The following DGLUCY variants were observed in gnomAD, a reference collection of about 807,000 sequenced individuals.
DGLUCY encodes D-glutamate cyclase, mitochondrial.
A neutral mutation model predicts 58.5 loss-of-function variants in DGLUCY; 58 were observed. The ratio of observed to expected loss-of-function variants is 0.99; its 90% CI spans 0.80 to 1.23. The LOEUF (loss-of-function observed/expected upper bound fraction) is 1.23. DGLUCY is among the 50% of genes most tolerant of loss of function. The pLI is 0.00. For missense variants in DGLUCY, 779 were observed against 784.7 expected (o/e 0.99, Z 0.09); for synonymous variants, 325 against 314.1 (o/e 1.03, Z -0.37).
intron 1 of DGLUCY, among the ~76,000 whole-genome samples, chr14:91,061,848 G>C (rs144764667): frequency 9.2e-5 from 14 of 152,342 alleles, no homozygotes; most frequent in African/African-American, 2.6e-4. Flanking sequence ...CTGAAAAGAG[G>C]AGAGAGATAG....
At chr14:91,167,642 C>T in intron 4 of DGLUCY, 1 of 705,934 alleles carries the variant, frequency 1.4e-6, no homozygotes, top group South Asian at 1.5e-5. Flanking sequence ...CTGGCTCTGC[C>T]ATCTGTCCAC....
chr14:91,109,277 A>G (rs886465956), upstream of DGLUCY, among the ~76,000 whole-genome samples: 2 of 152,172 alleles, frequency 1.3e-5, no homozygotes, highest in African/African-American at 4.8e-5. Context: ...GGTGGGCTCC[A>G]TTCCAACAGG....
At chr14:91,197,823 C>A (rs1332900823) in intron 10 of DGLUCY, among the ~76,000 whole-genome samples, 1 of 152,146 alleles carries the variant, frequency 6.6e-6, no homozygotes, top group Non-Finnish European at 1.5e-5. Context: ...GCTTCCTGCT[C>A]TTGGCTATGC....
chr14:91,172,696 G>C (rs907717039), intron 5 of DGLUCY, among the ~76,000 whole-genome samples: 4 of 151,504 alleles, frequency 2.6e-5, no homozygotes, highest in Non-Finnish European at 5.9e-5. Flanking sequence ...ACCCAGGCCG[G>C]AGTGCAATGG....
chr14:91,081,611 T>C (rs940822622), intron 1 of DGLUCY, among the ~76,000 whole-genome samples: 2 of 152,176 alleles, frequency 1.3e-5, no homozygotes, highest in Admixed American at 6.5e-5. Context: ...TTGGAAGCTC[T>C]AGGGGAGACT....
At chr14:91,109,333 C>T (rs148043093), upstream of DGLUCY, among the ~76,000 whole-genome samples, 3 of 152,106 alleles carry the variant, frequency 2.0e-5, no homozygotes, top group Admixed American at 2.0e-4. Flanking sequence ...ACTCAAGAGC[C>T]GCTGTGTTCC....
chr14:91,167,291 A>G lies in DGLUCY; in HGVS notation c.170A>G (p.Gln57Arg), dbSNP rs989624112. ...GCTCCAGCTTTTGAAAGATTCTGCC[A>G]GGTCAACACTGGTCCTCTACCCCTG... The part of the protein sequence containing the change: ...SLAPAFERFC[Q>R]VNTGPLPLLG... The change falls in exon 4 of 14, where the codon CAG (glutamine) becomes CGG (arginine). Residue 57 changes from glutamine to arginine, a missense_variant. Gln to Arg is a conservative substitution (Grantham distance 43). Transcript: ENST00000256324. 1 of 1,612,846 alleles carries G rather than the reference A, an allele frequency of 6.2e-7. No homozygotes were observed. Among genetic ancestry groups the G allele is most frequent in the Non-Finnish European group, 8.5e-7 (1 of 1,179,694 alleles).
intron 1 of DGLUCY, among the ~76,000 whole-genome samples, chr14:91,080,313 T>G (rs553671825): frequency 1.4e-4 from 21 of 152,220 alleles, no homozygotes; most frequent in Admixed American, 6.5e-4. Flanking sequence ...CACCTAGAAG[T>G]AGGACTGCCG....
chr14:91,170,317 C>G, intron 5 of DGLUCY, 116 bp downstream of exon 5: 1 of 1,162,146 alleles, frequency 8.6e-7, no homozygotes, highest in Non-Finnish European at 1.2e-6. Context: ...TAAGCTCCAG[C>G]CCCAGCTCAG....
chr14:91,137,680 A>C (rs1283152981), intron 1 of DGLUCY, among the ~76,000 whole-genome samples: 1 of 151,866 alleles, frequency 6.6e-6, no homozygotes, highest in South Asian at 2.1e-4. Context: ...TAGGCGTGAG[A>C]CACCGTACTT....
chr14:91,181,649 CTTTT>C (rs57742598), intron 8 of DGLUCY, among the ~76,000 whole-genome samples: 30,330 of 149,290 alleles, frequency 0.2, 3,439 homozygotes, highest in Non-Finnish European at 0.25. Flanking sequence ...CTCTTTCTTT[CTTTT>C]GTTTTCTTTC....
intron 9 of DGLUCY, among the ~76,000 whole-genome samples, chr14:91,194,716 T>C (rs2050104009): frequency 6.6e-6 from 1 of 152,034 alleles, no homozygotes; most frequent in Admixed American, 6.6e-5. Flanking sequence ...AATTTTTCTA[T>C]TTTTAGTAGA....
At chr14:91,219,971 C>T (rs1458006728) in intron 13 of DGLUCY, among the ~76,000 whole-genome samples, 1 of 152,218 alleles carries the variant, frequency 6.6e-6, no homozygotes, top group Non-Finnish European at 1.5e-5. Flanking sequence ...GAAGCCCCCT[C>T]ATGGCATCTT....
At chr14:91,061,272 T>C (rs1436524627) in intron 1 of DGLUCY, among the ~76,000 whole-genome samples, 2 of 152,214 alleles carry the variant, frequency 1.3e-5, no homozygotes, top group African/African-American at 4.8e-5. Flanking sequence ...TGTTTGTTCT[T>C]AAATAACAGA....
chr14:91,208,767 G>A (rs1885182595), intron 12 of DGLUCY, among the ~76,000 whole-genome samples: 1 of 152,004 alleles, frequency 6.6e-6, no homozygotes, highest in Admixed American at 6.6e-5. Flanking sequence ...TAGAATAAGT[G>A]ACACAAATGA....
intron 1 of DGLUCY, among the ~76,000 whole-genome samples, chr14:91,108,362 ACTAGTTTCACC>A (rs1480160334): frequency 6.6e-6 from 1 of 151,948 alleles, no homozygotes; most frequent in Non-Finnish European, 1.5e-5. Flanking sequence ...TAAACTTTGC[ACTAGTTTCACC>A]CTAGTTTCTG....
chr14:91,175,176 G>T (rs1281336248), intron 6 of DGLUCY, among the ~76,000 whole-genome samples: 3 of 152,040 alleles, frequency 2.0e-5, no homozygotes, highest in Non-Finnish European at 2.9e-5. Flanking sequence ...AGATGGCTTT[G>T]TTCCATATGT....
At chr14:91,194,304 T>G (rs560797176) in intron 9 of DGLUCY, among the ~76,000 whole-genome samples, 1 of 152,072 alleles carries the variant, frequency 6.6e-6, no homozygotes, top group Non-Finnish European at 1.5e-5. Flanking sequence ...CACCGAGGGC[T>G]GTTTGGCTCT....
intron 9 of DGLUCY, among the ~76,000 whole-genome samples, chr14:91,192,510 C>CTG (rs2140521671): frequency 6.6e-6 from 1 of 152,290 alleles, no homozygotes; most frequent in African/African-American, 2.4e-5. Flanking sequence ...TGACTCACGC[C>CTG]TGTAATCCCA....
Sources: allele counts gnomAD v4.1 joint callset (sites outside exome capture counted in the v4.1 genomes callset), GRCh38; gene constraint gnomAD v4.1.1; transcripts MANE v1.5; gene names NCBI Gene and HGNC (gene_info 2026-07-23, HGNC 2026-07-21).